The following GPC6 variants were observed in gnomAD, a reference collection of about 807,000 sequenced individuals.
The protein encoded by GPC6 is glypican 6.
Under a neutral mutation model 55.2 loss-of-function variants are expected in GPC6, and 14 were observed. The ratio of observed to expected loss-of-function variants is 0.25; its 90% CI spans 0.17 to 0.40. The LOEUF (loss-of-function observed/expected upper bound fraction) is 0.40, where lower values mean the gene tolerates loss of function less well. Among genes scored for constraint, GPC6 ranks in the 10% least tolerant of loss-of-function variants. GPC6 has a pLI of 1.00. For synonymous variants in GPC6, 278 were observed against 259.6 expected (o/e 1.07, Z -0.68); for missense variants, 641 against 708.5 (o/e 0.90, Z 1.08).
chr13:93,788,572 T>C (rs928423539), intron 2 of GPC6, among the ~76,000 whole-genome samples: 2 of 150,930 alleles, frequency 1.3e-5, no homozygotes, highest in Non-Finnish European at 2.9e-5. Context: ...ATCTCTTTTA[T>C]CCTTCAGATT....
At chr13:93,410,125 T>G (rs1876441128) in intron 1 of GPC6, among the ~76,000 whole-genome samples, 1 of 152,186 alleles carries the variant, frequency 6.6e-6, no homozygotes, top group East Asian at 1.9e-4. Context: ...TTCAGTACTA[T>G]TGGATTTAAT....
chr13:94,305,241 G>C (rs1164041603), intron 5 of GPC6, among the ~76,000 whole-genome samples: 2 of 152,152 alleles, frequency 1.3e-5, no homozygotes, highest in African/African-American at 4.8e-5. Flanking sequence ...ACAAGGTTAG[G>C]CTCCTGCAAG....
intron 3 of GPC6, among the ~76,000 whole-genome samples, chr13:93,880,318 A>G (rs2140309175): frequency 6.6e-6 from 1 of 152,220 alleles, no homozygotes; most frequent in South Asian, 2.1e-4. Context: ...ACCAACTCAA[A>G]TGTCCAATAA....
chr13:93,539,550 A>G (rs1386505115), intron 1 of GPC6, among the ~76,000 whole-genome samples: 1 of 152,168 alleles, frequency 6.6e-6, no homozygotes, highest in African/African-American at 2.4e-5. Flanking sequence ...TGCTGTCAGA[A>G]AGCAGAGTTA....
intron 2 of GPC6, among the ~76,000 whole-genome samples, chr13:93,648,528 C>T (rs542582612): frequency 6.6e-6 from 1 of 152,210 alleles, no homozygotes; most frequent in African/African-American, 2.4e-5. Context: ...ATCCTTGAGC[C>T]ACTGATTCTT....
At chr13:93,722,311 C>T (rs1408912529) in intron 2 of GPC6, among the ~76,000 whole-genome samples, 1 of 151,608 alleles carries the variant, frequency 6.6e-6, no homozygotes, top group East Asian at 1.9e-4. Flanking sequence ...TATTAAGTAA[C>T]TAAATAATTA....
intron 4 of GPC6, among the ~76,000 whole-genome samples, chr13:94,171,635 G>T (rs1000925320): frequency 6.6e-6 from 1 of 152,156 alleles, no homozygotes; most frequent in Non-Finnish European, 1.5e-5. Flanking sequence ...TGTAAAAAGG[G>T]ATTTTGCTAG....
chr13:93,697,305 G>C (rs1483251300), intron 2 of GPC6, among the ~76,000 whole-genome samples: 1 of 152,096 alleles, frequency 6.6e-6, no homozygotes, highest in African/African-American at 2.4e-5. Context: ...TTTTATGGCT[G>C]TTTCTCTGGT....
intron 2 of GPC6, among the ~76,000 whole-genome samples, chr13:93,702,928 G>A (rs1882722190): frequency 6.6e-6 from 1 of 151,942 alleles, no homozygotes; most frequent in South Asian, 2.1e-4. Context: ...CTTCAGAACA[G>A]CAATAAGGCT....
chr13:93,399,863 G>C (rs1876005270), intron 1 of GPC6, among the ~76,000 whole-genome samples: 1 of 149,130 alleles, frequency 6.7e-6, no homozygotes, highest in Non-Finnish European at 1.5e-5. Flanking sequence ...GCAGAGGACT[G>C]CATGTGTGTT....
chr13:93,304,884 T>C (rs956257936), intron 1 of GPC6, among the ~76,000 whole-genome samples: 6 of 152,204 alleles, frequency 3.9e-5, no homozygotes, highest in African/African-American at 1.4e-4. Context: ...TCTTTGTCTA[T>C]ACAAGTATGT....
chr13:93,651,763 C>T (rs1594342990), intron 2 of GPC6, among the ~76,000 whole-genome samples: 1 of 152,202 alleles, frequency 6.6e-6, no homozygotes, highest in Non-Finnish European at 1.5e-5. Context: ...TGTTGCTCCA[C>T]AAGCCTGCAA....
intron 1 of GPC6, among the ~76,000 whole-genome samples, chr13:93,495,018 T>C (rs562499934): frequency 3.8e-5 from 5 of 130,342 alleles, no homozygotes; most frequent in East Asian, 5.1e-4. Context: ...TTGCTCTTCT[T>C]GAGGAGTATC....
At chr13:93,675,215 C>A (rs1053303425) in intron 2 of GPC6, among the ~76,000 whole-genome samples, 1 of 152,028 alleles carries the variant, frequency 6.6e-6, no homozygotes, top group Admixed American at 6.6e-5. Context: ...AACTCCAGTG[C>A]TTCTCCAAAC....
intron 3 of GPC6, among the ~76,000 whole-genome samples, chr13:93,887,544 A>C (rs1489375582): frequency 2.6e-5 from 4 of 152,110 alleles, no homozygotes; most frequent in African/African-American, 7.2e-5. Flanking sequence ...CACTAATACT[A>C]ATACCTCTTA....
At chr13:94,265,383 G>C (rs1891771323) in intron 4 of GPC6, among the ~76,000 whole-genome samples, 1 of 152,192 alleles carries the variant, frequency 6.6e-6, no homozygotes, top group South Asian at 2.1e-4. Context: ...CAGCATGGGA[G>C]AAAGATGTAG....
intron 4 of GPC6, among the ~76,000 whole-genome samples, chr13:94,050,225 C>T (rs1044690824): frequency 6.6e-6 from 1 of 152,106 alleles, no homozygotes; most frequent in Non-Finnish European, 1.5e-5. Context: ...ATTCCTGGAA[C>T]GTAATAGATG....
At chr13:93,378,147 T>C (rs1874999453) in intron 1 of GPC6, among the ~76,000 whole-genome samples, 1 of 152,210 alleles carries the variant, frequency 6.6e-6, no homozygotes, top group South Asian at 2.1e-4. Flanking sequence ...ATTAAGACTT[T>C]AGTAATTATC....
intron 2 of GPC6, among the ~76,000 whole-genome samples, chr13:93,678,618 G>A (rs1190474768): frequency 1.3e-5 from 2 of 152,140 alleles, no homozygotes; most frequent in Non-Finnish European, 2.9e-5. Flanking sequence ...AGAGTTAGGA[G>A]CTCTTTTCTC....
Sources: allele counts gnomAD v4.1 joint callset (sites outside exome capture counted in the v4.1 genomes callset), GRCh38; gene constraint gnomAD v4.1.1; transcripts MANE v1.5; gene names NCBI Gene and HGNC (gene_info 2026-07-23, HGNC 2026-07-21).